Variants in C14orf132 observed in about 807,000 individuals in gnomAD.
The protein encoded by C14orf132 is uncharacterized protein C14orf132.
In C14orf132, 6 loss-of-function variants were observed where a neutral mutation model predicts 5.8. The observed-to-expected ratio is 1.03, with a 90% CI of 0.57 to 2.04. The LOEUF (loss-of-function observed/expected upper bound fraction) is 2.04. Ranked by LOEUF, C14orf132 falls within the 30% of genes most tolerant of loss-of-function variation. The pLI is 0.00. For missense variants in C14orf132, 125 were observed against 115.8 expected, an observed-to-expected ratio of 1.08 and a Z score of -0.37; for synonymous variants, 51 against 49.8, an observed-to-expected ratio of 1.02 and a Z score of -0.10.
chr14:96,087,995 T>C lies in C14orf132; in HGVS notation c.*1260T>C, dbSNP rs1888257442. The stretch of plus-strand genomic sequence containing the variant: ...TCCCAAGGCAGCATCCCAGTGCAGA[T>C]AGAGTGGGAAAGGTCCCAGAAGGGG... On this transcript the variant is annotated 3_prime_UTR_variant, in exon 2 of 2. Coordinates refer to ENST00000555004, the MANE Select transcript of C14orf132 (RefSeq NM_001252507.3). 8.4e-6 allele frequency: 1 copy of C among 119,136 alleles called. No homozygotes were observed. Among genetic ancestry groups the C allele is most frequent in the African/African-American group, 3.2e-5 (1 of 30,904 alleles). 7.4% of individuals were successfully genotyped at this position (119,136 alleles called of 1,614,324 possible).
In C14orf132 at chr14:96,085,988, T is replaced by TCACA. The variant is rs10558318; in HGVS notation, c.28-500_28-497dup. Reference sequence around the variant, plus strand: ...CTCACTCTGTCTCTCTCTCTCTCTGTCACACACACACACACACACACACAC... The same window carrying TCACA: ...CTCACTCTGTCTCTCTCTCTCTCTGTCACACACACACACACACACACACACACAC... On this transcript the variant is annotated intron_variant, in intron 1 of 1. Coordinates refer to ENST00000555004, the MANE Select transcript of C14orf132 (RefSeq NM_001252507.3). Among the ~76,000 whole-genome samples, 170 of 148,952 alleles carry TCACA rather than the reference T, an allele frequency of 1.1e-3. 1 individual carries two copies. The highest frequency in any genetic ancestry group is 7.1e-3 in the East Asian group (36 of 5,070).
chr14:96,083,662 G>A (rs1393042842), intron 1 of C14orf132, among the ~76,000 whole-genome samples: 1 of 152,206 alleles, frequency 6.6e-6, no homozygotes, highest in African/African-American at 2.4e-5. Flanking sequence ...GCTGGGAAAG[G>A]CGAGAAAACA....
chr14:96,083,763 G>A (rs1346276866), intron 1 of C14orf132, among the ~76,000 whole-genome samples: 3 of 152,236 alleles, frequency 2.0e-5, no homozygotes, highest in African/African-American at 7.2e-5. Context: ...TGATACATTA[G>A]TGTTGTTTTC....
rs937720683 is a variant in C14orf132, at chr14:96,040,414, T to G, written c.27+887T>G. ...CCACATCTTGCACCTTCTCTGGTTG[T>G]GTTGGTTGGTTATGGTGGGAGCAGA... On this transcript the variant is annotated intron_variant, in intron 1 of 1. Transcript: ENST00000555004. The G allele has an allele frequency of 1.8e-5, 7 of 395,786 alleles. No individual in the cohort carries two copies. The Admixed American group carries it at 2.7e-4, about 15-fold the overall frequency. 24.5% of individuals were successfully genotyped at this position (395,786 alleles called of 1,614,324 possible).
chr14:96,049,409 C>A (rs1293324939), intron 1 of C14orf132, among the ~76,000 whole-genome samples: 3 of 149,068 alleles, frequency 2.0e-5, no homozygotes, highest in Non-Finnish European at 4.5e-5. Flanking sequence ...GGCTTGATCT[C>A]GGCTCACTGC....
intron 1 of C14orf132, among the ~76,000 whole-genome samples, chr14:96,077,424 A>T (rs994489278): frequency 6.6e-5 from 10 of 152,164 alleles, no homozygotes; most frequent in African/African-American, 9.7e-5. Flanking sequence ...TTAAGTTAAA[A>T]TGAGGTCACT....
chr14:96,073,641 T>G (rs1887776919), intron 1 of C14orf132, among the ~76,000 whole-genome samples: 1 of 152,232 alleles, frequency 6.6e-6, no homozygotes, highest in Non-Finnish European at 1.5e-5. Context: ...CTCAAAGATC[T>G]AGAAGCAGAA....
chr14:96,080,865 A>G lies in C14orf132; in HGVS notation c.28-5646A>G, dbSNP rs1385287662. Reference sequence around the variant, plus strand: ...CTGGGGCACCCTTCTGAATTCAGAGAGCACTTAATCCCACGGCCACAACTG... The same window carrying G: ...CTGGGGCACCCTTCTGAATTCAGAGGGCACTTAATCCCACGGCCACAACTG... On this transcript the variant is annotated intron_variant, in intron 1 of 1. Transcript: ENST00000555004. Among the ~76,000 whole-genome samples, 8 of 152,220 alleles carry G rather than the reference A, an allele frequency of 5.3e-5. No individual in the cohort carries two copies. In the East Asian group the frequency reaches 1.5e-3, roughly 29 times the overall value.
In C14orf132 at chr14:96,091,397, G is replaced by C. The variant is rs767957262; in HGVS notation, c.*4662G>C. On this transcript the variant is annotated 3_prime_UTR_variant, in exon 2 of 2. Coordinates refer to ENST00000555004, the MANE Select transcript of C14orf132 (RefSeq NM_001252507.3). ...CTAATCGAGACCTTTAATTTTTCGG[G>C]GAGAGCAGCTGAGGCCGTGTGGAAA... 66 of 211,192 alleles carry C rather than the reference G, an allele frequency of 3.1e-4. No homozygotes were observed. The highest frequency in any genetic ancestry group is 4.6e-4 in the Non-Finnish European group (48 of 104,986). The allele number at this position is 211,192 out of a possible 1,614,324, so 13.1% of individuals were successfully genotyped here.
chr14:96,093,090 G>A lies in C14orf132; in HGVS notation c.*6355G>A, dbSNP rs1400544560. The A allele has an allele frequency of 2.0e-5, 3 of 152,228 alleles. No homozygotes were observed. The highest frequency in any genetic ancestry group is 4.4e-5 in the Non-Finnish European group (3 of 68,046). 9.4% of individuals were successfully genotyped at this position (152,228 alleles called of 1,614,324 possible). ...TCATTGAGTAAATTAAAGCTCTTCT[G>A]AGCAGCAGCAGTGATCATGGTCACT... On this transcript the variant is annotated 3_prime_UTR_variant, in exon 2 of 2. Coordinates refer to ENST00000555004, the MANE Select transcript of C14orf132 (RefSeq NM_001252507.3).
Position 96,086,787 on chromosome 14 carries a change from C to A in C14orf132, c.*52C>A. The A allele has an allele frequency of 8.0e-6, 12 of 1,499,580 alleles. No individual in the cohort carries two copies. Among genetic ancestry groups the A allele is most frequent in the Non-Finnish European group, 1.1e-5 (12 of 1,117,522 alleles). The allele number at this position is 1,499,580 out of a possible 1,614,324, so 92.9% of individuals were successfully genotyped here. A position where few individuals can be genotyped will look rare whatever the true frequency, so the allele number is the denominator to read the frequency against. ...GGTGAGGCTTGGCACGTAGCTCTGA[C>A]TTGCTGTCGGCCTTTGGCTTCTCCT... On this transcript the variant is annotated 3_prime_UTR_variant, in exon 2 of 2. Coordinates refer to ENST00000555004, the MANE Select transcript of C14orf132 (RefSeq NM_001252507.3).
At chr14:96,043,320 G>A (rs1595164986) in intron 1 of C14orf132, among the ~76,000 whole-genome samples, 3 of 152,230 alleles carry the variant, frequency 2.0e-5, no homozygotes, top group Admixed American at 6.5e-5. Context: ...GGAAGGGAGC[G>A]AACATTTCAG....
intron 1 of C14orf132, among the ~76,000 whole-genome samples, chr14:96,069,446 T>C (rs1887641458): frequency 6.6e-6 from 1 of 152,024 alleles, no homozygotes; most frequent in Admixed American, 6.6e-5. Flanking sequence ...TTTGGAAATA[T>C]TTAAACTATC....
At position 96,039,629 on chromosome 14, in the gene C14orf132, C is replaced by T. The variant is rs1447454407; in HGVS notation, c.27+102C>T. 5.9e-6 allele frequency: 7 copies of T among 1,186,408 alleles called. No individual in the cohort carries two copies. The highest frequency in any genetic ancestry group is 1.9e-5 in the South Asian group (1 of 52,950). 73.5% of individuals were successfully genotyped at this position (1,186,408 alleles called of 1,614,324 possible). Reference sequence around the variant, plus strand: ...CTGGGGCTGGGCAGTGGCGCCCGCCCGCGATCCGCGTCCCGGTCCTTTGTC... The same window carrying T: ...CTGGGGCTGGGCAGTGGCGCCCGCCTGCGATCCGCGTCCCGGTCCTTTGTC... On this transcript the variant is annotated intron_variant, in intron 1 of 1. Coordinates refer to ENST00000555004, the MANE Select transcript of C14orf132 (RefSeq NM_001252507.3). This position sits in a 1 kb window ranked among gnomAD's most constrained non-coding sequence, Gnocchi z 5.3.
intron 1 of C14orf132, 144 bp from the exon 2 acceptor site, chr14:96,086,367 C>A: frequency 1.4e-6 from 1 of 700,250 alleles, no homozygotes; most frequent in Non-Finnish European, 2.3e-6. Flanking sequence ...AATGATAAAA[C>A]CACAAAAGCA....
chr14:96,054,612 G>A (rs1205122148), intron 1 of C14orf132, among the ~76,000 whole-genome samples: 1 of 152,156 alleles, frequency 6.6e-6, no homozygotes, highest in Non-Finnish European at 1.5e-5. Flanking sequence ...AGAACAAACT[G>A]TGCAGGGCAG....
rs185046484 is a variant in C14orf132 at position 96,056,702 on chromosome 14, T to G, written c.27+17175T>G. Reference sequence around the variant, plus strand: ...GCACTATTTTCTGTTTTTTTTGGTCTGCAAAATGCAGGTTGAGTGGGTAGA... The same window carrying G: ...GCACTATTTTCTGTTTTTTTTGGTCGGCAAAATGCAGGTTGAGTGGGTAGA... On this transcript the variant is annotated intron_variant, in intron 1 of 1. Transcript: ENST00000555004. Among the ~76,000 whole-genome samples the G allele has an allele frequency of 8.5e-4, 129 of 152,274 alleles. 1 individual carries two copies. Among genetic ancestry groups the G allele is most frequent in the African/African-American group, 2.8e-3 (116 of 41,550 alleles).
chr14:96,066,240 A>G (rs1887523710), intron 1 of C14orf132, among the ~76,000 whole-genome samples: 2 of 152,240 alleles, frequency 1.3e-5, no homozygotes, highest in South Asian at 2.1e-4. Context: ...CGTGGAGGAC[A>G]AGGTCCCCAG....
intron 1 of C14orf132, among the ~76,000 whole-genome samples, chr14:96,041,905 G>A (rs1449600116): frequency 3.3e-5 from 5 of 152,312 alleles, no homozygotes; most frequent in South Asian, 4.1e-4. Context: ...TGATGGGCCC[G>A]GCTAAGACAC....
Sources: gnomAD v4.1 joint callset for allele counts (sites outside exome capture counted in the v4.1 genomes callset) on GRCh38, gnomAD v4.1.1 for gene constraint, Gnocchi (gnomAD v3.1) non-coding constraint, MANE v1.5 for transcripts, NCBI Gene and HGNC (gene_info 2026-07-23, HGNC 2026-07-21) for gene names.